SAMD12: variants seen among roughly 807,000 people sequenced by gnomAD.
SAMD12 encodes the protein sterile alpha motif domain-containing protein 12.
A neutral mutation model predicts 15.0 loss-of-function variants in SAMD12; 9 were observed. That is an observed-to-expected ratio of 0.60 (90% CI 0.36 to 1.05). SAMD12 has a LOEUF of 1.05. SAMD12 is among the 50% of genes least tolerant of loss of function. The pLI is 0.01. For missense variants in SAMD12, 230 were observed against 234.2 expected (o/e 0.98, Z 0.12); for synonymous variants, 86 against 90.1 (o/e 0.96, Z 0.25).
At chr8:118,577,815 G>T (rs1827190149) in intron 2 of SAMD12, among the ~76,000 whole-genome samples, 1 of 152,038 alleles carries the variant, frequency 6.6e-6, no homozygotes, top group Admixed American at 6.6e-5. Flanking sequence ...TAAACCACCA[G>T]CAAGAATTAG....
intron 3 of SAMD12, among the ~76,000 whole-genome samples, chr8:118,401,293 G>T (rs1820857681): frequency 6.6e-6 from 1 of 152,156 alleles, no homozygotes. Flanking sequence ...TAACATTTCA[G>T]ATTTTCTTTG....
At chr8:118,352,713 C>T (rs1818015417) in intron 4 of SAMD12, among the ~76,000 whole-genome samples, 1 of 152,162 alleles carries the variant, frequency 6.6e-6, no homozygotes, top group Non-Finnish European at 1.5e-5. Context: ...TCCAGTACCT[C>T]ACGGTTTCTC....
chr8:118,530,780 C>A (rs1164715126), intron 2 of SAMD12, among the ~76,000 whole-genome samples: 2 of 152,130 alleles, frequency 1.3e-5, no homozygotes, highest in Non-Finnish European at 2.9e-5. Context: ...TCTCCCAGGC[C>A]AATATCTAGA....
In SAMD12 at chr8:118,459,839, G is replaced by A. The variant is rs570994645; in HGVS notation, c.193-19878C>T. ...CATGCAAGGCACTTTGGGATACACT[G>A]GTGAGAAACACGGACAAGACACTTG... On this transcript the variant is annotated intron_variant, in intron 2 of 3. Transcript: ENST00000314727. 1.6e-4 allele frequency among the ~76,000 whole-genome samples: 25 copies of A among 152,246 alleles called. No homozygotes were observed. The South Asian group carries it at 4.1e-3, about 25-fold the overall frequency.
chr8:118,536,123 C>T (rs1242085368), intron 2 of SAMD12, among the ~76,000 whole-genome samples: 1 of 152,144 alleles, frequency 6.6e-6, no homozygotes, highest in Non-Finnish European at 1.5e-5. Context: ...CTAAGTTCTA[C>T]TTTTCTGTTT....
At chr8:118,597,226 G>A (rs1467618101) in intron 1 of SAMD12, among the ~76,000 whole-genome samples, 2 of 152,176 alleles carry the variant, frequency 1.3e-5, no homozygotes, top group Admixed American at 6.5e-5. Context: ...GCTTCTAGAA[G>A]TCTTCCTGTC....
chr8:118,214,758 G>A (rs1811914781), intron 4 of SAMD12, among the ~76,000 whole-genome samples: 1 of 152,222 alleles, frequency 6.6e-6, no homozygotes, highest in Non-Finnish European at 1.5e-5. Context: ...TAATACTCAT[G>A]AAATTGTAAT....
At chr8:118,202,475 G>A (rs910437119) in intron 4 of SAMD12, among the ~76,000 whole-genome samples, 1 of 152,150 alleles carries the variant, frequency 6.6e-6, no homozygotes, top group Admixed American at 6.5e-5. Flanking sequence ...AAGGGAGTCT[G>A]AAACACTTCA....
chr8:118,273,151 G>A, intron 4 of SAMD12, among the ~76,000 whole-genome samples: 1 of 152,162 alleles, frequency 6.6e-6, no homozygotes, highest in East Asian at 1.9e-4. Flanking sequence ...CAGCATGCTG[G>A]GGAGACCTCA....
At chr8:118,571,047 GCA>G (rs1826997640) in intron 2 of SAMD12, among the ~76,000 whole-genome samples, 1 of 152,244 alleles carries the variant, frequency 6.6e-6, no homozygotes, top group Middle Eastern at 3.4e-3. Context: ...TTTATAAATT[GCA>G]CAGTCTCAGG....
intron 4 of SAMD12, among the ~76,000 whole-genome samples, chr8:118,242,225 T>C (rs986597529): frequency 3.3e-5 from 5 of 152,166 alleles, no homozygotes; most frequent in Non-Finnish European, 5.9e-5. Context: ...AATAAAACTG[T>C]ATGGATAAAA....
chr8:118,616,641 C>G (rs1430875171), intron 1 of SAMD12, among the ~76,000 whole-genome samples: 1 of 152,188 alleles, frequency 6.6e-6, no homozygotes, highest in Admixed American at 6.5e-5. Context: ...GGTTCCCCAC[C>G]TCTTCCTTTG....
Position 118,621,847 on chromosome 8 carries a change from T to G in SAMD12, c.-31A>C. ...CAGAGCTTCCCTAACGCATGCATAA[T>G]TTTCTTGGCCGAGGTACTCCTCCTG... On this transcript the variant is annotated 5_prime_UTR_variant, in exon 1 of 4. Transcript: ENST00000314727. 6.2e-7 allele frequency: 1 copy of G among 1,613,614 alleles called. No individual in the cohort carries two copies. Among genetic ancestry groups the G allele is most frequent in the South Asian group, 1.1e-5 (1 of 91,072 alleles).
intron 4 of SAMD12, among the ~76,000 whole-genome samples, chr8:118,293,031 C>T (rs1055195996): frequency 6.6e-6 from 1 of 151,780 alleles, no homozygotes; most frequent in Non-Finnish European, 1.5e-5. Flanking sequence ...TGCACATGTA[C>T]CCTAAAACTT....
chr8:118,322,996 C>A (rs1333797700), intron 4 of SAMD12, among the ~76,000 whole-genome samples: 2 of 152,152 alleles, frequency 1.3e-5, no homozygotes, highest in African/African-American at 4.8e-5. Flanking sequence ...TCAGGTCTTG[C>A]CAACAGAATG....
At chr8:118,166,753 G>A in the SAMD12 span, among the ~76,000 whole-genome samples, 10 of 152,104 alleles carry the variant, frequency 6.6e-5, no homozygotes, top group Admixed American at 3.3e-4. Context: ...GGCCTCAACC[G>A]ACTACAGATA....
chr8:118,549,701 GAGA>G (rs1433433954), intron 2 of SAMD12, among the ~76,000 whole-genome samples: 1 of 152,216 alleles, frequency 6.6e-6, no homozygotes. Context: ...GACAAGTTGA[GAGA>G]AGAAGGATTC....
intron 4 of SAMD12, among the ~76,000 whole-genome samples, chr8:118,247,153 G>A (rs558676047): frequency 6.6e-6 from 1 of 152,190 alleles, no homozygotes; most frequent in South Asian, 2.1e-4. Flanking sequence ...AATAAGCCAG[G>A]CAGAGGGAGA....
chr8:118,435,409 A>G (rs1280401196), intron 3 of SAMD12, among the ~76,000 whole-genome samples: 1 of 152,228 alleles, frequency 6.6e-6, no homozygotes, highest in African/African-American at 2.4e-5. Context: ...AATAGTGTTT[A>G]GTAATATCTA....
Sources: gnomAD v4.1 joint callset for allele counts (sites outside exome capture counted in the v4.1 genomes callset) on GRCh38, gnomAD v4.1.1 for gene constraint, MANE v1.5 for transcripts, NCBI Gene and HGNC (gene_info 2026-07-23, HGNC 2026-07-21) for gene names.